STPG2: variants seen among roughly 807,000 people sequenced by gnomAD.
STPG2 encodes the protein sperm-tail PG-rich repeat-containing protein 2.
A neutral mutation model predicts 54.2 loss-of-function variants in STPG2; 56 were observed. The ratio of observed to expected loss-of-function variants is 1.03; its 90% CI spans 0.83 to 1.29. STPG2 has a LOEUF of 1.29. Among genes scored for constraint, STPG2 ranks in the 50% most tolerant of loss-of-function variants. STPG2 has a pLI of 0.00. For synonymous variants in STPG2, 200 were observed against 181.8 expected (o/e 1.10, Z -0.81); for missense variants, 596 against 544.9 (o/e 1.09, Z -0.93).
intron 8 of STPG2, among the ~76,000 whole-genome samples, chr4:97,877,747 C>CAA (rs1220314697): frequency 3.3e-5 from 5 of 152,016 alleles, no homozygotes; most frequent in African/African-American, 1.2e-4. Flanking sequence ...TATATCATTC[C>CAA]ACCCCTGGCC....
intron 9 of STPG2, among the ~76,000 whole-genome samples, chr4:97,785,595 A>G (rs1348226932): frequency 6.6e-6 from 1 of 152,166 alleles, no homozygotes; most frequent in Admixed American, 6.6e-5. Flanking sequence ...TATAGTGGTT[A>G]TGACAGAAAG....
intron 10 of STPG2, among the ~76,000 whole-genome samples, chr4:97,669,252 A>C (rs116122409): frequency 0.016 from 2,465 of 152,276 alleles, 63 homozygotes; most frequent in African/African-American, 0.057. Flanking sequence ...TGGGACTCCT[A>C]AAGGCCACCT....
intron 5 of STPG2, among the ~76,000 whole-genome samples, chr4:98,042,127 T>G (rs1736979390): frequency 6.6e-6 from 1 of 151,950 alleles, no homozygotes; most frequent in African/African-American, 2.4e-5. Context: ...CATATCGTCA[T>G]TCATAGCAGT....
rs183744535 is a variant in STPG2, at chr4:98,106,969, A to G, written c.501-905T>C. Among the ~76,000 whole-genome samples, 325 of 152,290 alleles carry G rather than the reference A, an allele frequency of 2.1e-3. 2 individuals are homozygous for G. Among genetic ancestry groups the G allele is most frequent in the Non-Finnish European group, 3.3e-3 (227 of 68,002 alleles). On this transcript the variant is annotated intron_variant, in intron 4 of 10. Coordinates refer to ENST00000295268, the MANE Select transcript of STPG2 (RefSeq NM_174952.3). ...ATGCAGATTAAAAAATATATAATACAAAGTTATGTAATTGCTATTACTTTC... is the reference window on the plus strand; with the variant it reads ...ATGCAGATTAAAAAATATATAATACGAAGTTATGTAATTGCTATTACTTTC...
intron 10 of STPG2, among the ~76,000 whole-genome samples, chr4:97,581,969 C>G (rs1379553238): frequency 6.6e-6 from 1 of 151,886 alleles, no homozygotes. Context: ...AATTATTCCA[C>G]TTATTCTGTT....
intron 9 of STPG2, among the ~76,000 whole-genome samples, chr4:97,769,417 C>G (rs1726158725): frequency 6.6e-6 from 1 of 152,108 alleles, no homozygotes; most frequent in Non-Finnish European, 1.5e-5. Flanking sequence ...CAACCCCCAG[C>G]TTTTCCCAGA....
Position 98,078,614 on chromosome 4 carries a change from G to A in STPG2, c.612+27339C>T, listed in dbSNP as rs190662071. On this transcript the variant is annotated intron_variant, in intron 5 of 10. Coordinates refer to ENST00000295268, the MANE Select transcript of STPG2 (RefSeq NM_174952.3). ...GAAAAAGGAAAAGCAGGTGTGCAAA[G>A]AGTGCAAAGATAAATGTGCACAGTT... Among the ~76,000 whole-genome samples the A allele has an allele frequency of 4.3e-3, 642 of 150,730 alleles. 3 individuals are homozygous for A. The highest frequency in any genetic ancestry group is 0.025 in the South Asian group (118 of 4,738).
intron 9 of STPG2, among the ~76,000 whole-genome samples, chr4:97,757,349 G>C (rs1188016208): frequency 6.6e-6 from 1 of 151,958 alleles, no homozygotes; most frequent in Non-Finnish European, 1.5e-5. Flanking sequence ...AACCACAAAT[G>C]CATTTTCTCA....
chr4:97,984,649 TTTA>T (rs773910743), intron 5 of STPG2, among the ~76,000 whole-genome samples: 13 of 152,220 alleles, frequency 8.5e-5, no homozygotes, highest in Non-Finnish European at 1.5e-4. Context: ...TTCTTACTGA[TTTA>T]TTTTTATTTT....
intron 10 of STPG2, among the ~76,000 whole-genome samples, chr4:97,568,864 A>T (rs2148881837): frequency 6.6e-6 from 1 of 151,826 alleles, no homozygotes; most frequent in South Asian, 2.1e-4. Flanking sequence ...AATGAACATT[A>T]ATTTCTTTTC....
chr4:97,804,679 G>A (rs994801133), intron 9 of STPG2, among the ~76,000 whole-genome samples: 5 of 152,026 alleles, frequency 3.3e-5, no homozygotes, highest in Admixed American at 3.3e-4. Context: ...TAGCCTAAGG[G>A]TACAGCATTC....
intron 7 of STPG2, among the ~76,000 whole-genome samples, chr4:97,948,254 T>C (rs1733325681): frequency 6.6e-6 from 1 of 152,082 alleles, no homozygotes. Flanking sequence ...TTCTGTGGTG[T>C]AGGTTGTAAT....
chr4:98,018,286 T>G (rs1736037612), intron 5 of STPG2, among the ~76,000 whole-genome samples: 1 of 152,052 alleles, frequency 6.6e-6, no homozygotes, highest in African/African-American at 2.4e-5. Context: ...TTTGTCCTTG[T>G]GATAGTTTGC....
At position 97,902,919 on chromosome 4, in the gene STPG2, A is replaced by G. The variant is rs551206446; in HGVS notation, c.1044+40978T>C. Among the ~76,000 whole-genome samples the G allele has an allele frequency of 3.9e-5, 6 of 152,278 alleles. 1 individual carries two copies. Among genetic ancestry groups the G allele is most frequent in the East Asian group, 1.9e-4 (1 of 5,180 alleles). ...TAAGTGGCCACTAATGGATGAACAG[A>G]TAGAGAAAATGTGATATATATATTT... On this transcript the variant is annotated intron_variant, in intron 8 of 10. Coordinates refer to ENST00000295268, the MANE Select transcript of STPG2 (RefSeq NM_174952.3).
intron 8 of STPG2, among the ~76,000 whole-genome samples, chr4:97,939,668 T>C (rs1018942546): frequency 1.3e-5 from 2 of 152,212 alleles, no homozygotes; most frequent in Non-Finnish European, 2.9e-5. Flanking sequence ...TTTTCCTCCA[T>C]CCCTTTATTT....
At chr4:97,675,204 T>C (rs970866560) in intron 10 of STPG2, among the ~76,000 whole-genome samples, 1 of 152,100 alleles carries the variant, frequency 6.6e-6, no homozygotes, top group African/African-American at 2.4e-5. Flanking sequence ...GGTTTCTCCA[T>C]GTCGGTCAAG....
chr4:97,645,305 G>GAA (rs796384753), intron 10 of STPG2, among the ~76,000 whole-genome samples: 4 of 136,746 alleles, frequency 2.9e-5, no homozygotes, highest in Non-Finnish European at 4.8e-5. Flanking sequence ...GTATCTTGCT[G>GAA]AAAAAAAAAA....
chr4:97,646,112 T>C (rs1390960394), intron 10 of STPG2, among the ~76,000 whole-genome samples: 1 of 152,138 alleles, frequency 6.6e-6, no homozygotes, highest in African/African-American at 2.4e-5. Flanking sequence ...TCTATGCTGG[T>C]TTAAGTAGAC....
chr4:97,898,887 G>A (rs972176568), intron 8 of STPG2, among the ~76,000 whole-genome samples: 2 of 151,594 alleles, frequency 1.3e-5, no homozygotes, highest in Non-Finnish European at 3.0e-5. Flanking sequence ...TAATGAAAAT[G>A]AAAGGAAATG....
Sources: allele counts gnomAD v4.1 joint callset (sites outside exome capture counted in the v4.1 genomes callset), GRCh38; gene constraint gnomAD v4.1.1; transcripts MANE v1.5; gene names NCBI Gene and HGNC (gene_info 2026-07-23, HGNC 2026-07-21).